The following PCCA variants were observed in gnomAD, a reference collection of about 807,000 sequenced individuals.
PCCA encodes the protein propionyl-CoA carboxylase subunit alpha, also known as propionyl-CoA carboxylase alpha chain, mitochondrial.
A neutral mutation model predicts 101.3 loss-of-function variants in PCCA; 74 were observed. That is an observed-to-expected ratio of 0.73 (90% CI 0.61 to 0.89). The LOEUF (loss-of-function observed/expected upper bound fraction) is 0.89. PCCA is among the 40% of genes least tolerant of loss of function. The probability of loss-of-function intolerance (pLI) is 0.00; values close to 1 mark genes in which losing one functional copy is unlikely to be tolerated. For synonymous variants in PCCA, 294 were observed against 313.6 expected, an observed-to-expected ratio of 0.94 and a Z score of 0.66; for missense variants, 891 against 907.0, an observed-to-expected ratio of 0.98 and a Z score of 0.23.
chr13:100,313,324 G>C (rs2067078528), intron 16 of PCCA, among the ~76,000 whole-genome samples: 3 of 152,192 alleles, frequency 2.0e-5, no homozygotes, highest in Admixed American at 2.0e-4. Context: ...CAGCGTTATT[G>C]CAATAGAGAA....
intron 21 of PCCA, among the ~76,000 whole-genome samples, chr13:100,489,090 G>A (rs888763231): frequency 6.6e-6 from 1 of 152,282 alleles, no homozygotes; most frequent in African/African-American, 2.4e-5. Context: ...CGGATCACCA[G>A]GTCAGGAGAT....
At position 100,527,700 on chromosome 13, in the gene PCCA, T is replaced by C. The variant is rs905903741; in HGVS notation, c.2066T>C (p.Val689Ala). The C allele has an allele frequency of 6.2e-7, 1 of 1,613,890 alleles. No individual in the cohort carries two copies. Among genetic ancestry groups the C allele is most frequent in the African/African-American group, 1.3e-5 (1 of 74,908 alleles). Residue 689 changes from valine (V) to alanine (A), a missense_variant, in exon 23 of 24, where the codon GTG becomes GCG. Val to Ala is a moderately conservative substitution (Grantham distance 64). Transcript: ENST00000376285. ...DAVAEGQEIC[V>A]IEAMKMQNSM... ...GTAGCAGAAGGTCAAGAAATTTGTG[T>C]GATTGAAGCCATGAAAATGCAGAAT...
At chr13:100,243,684 C>T (rs895927361) in intron 8 of PCCA, among the ~76,000 whole-genome samples, 5 of 152,162 alleles carry the variant, frequency 3.3e-5, no homozygotes, top group Non-Finnish European at 5.9e-5. Context: ...TTTACACCAG[C>T]CTGTTCCCAT....
At position 100,151,190 on chromosome 13, in the gene PCCA, A is replaced by G. The variant is rs73570952; in HGVS notation, c.301-3789A>G. On this transcript the variant is annotated intron_variant, in intron 4 of 23. Transcript: ENST00000376285. Reference sequence around the variant, plus strand: ...AGAAGATGATTTTTCTCAGTCCTGTAAGATGAAAAACACATCTGTTGTTCT... The same window carrying G: ...AGAAGATGATTTTTCTCAGTCCTGTGAGATGAAAAACACATCTGTTGTTCT... 0.016 allele frequency: 10,908 copies of G among 694,210 alleles called. 854 individuals are homozygous for G. In the African/African-American group the frequency reaches 0.17, roughly 11 times the overall value. The allele number at this position is 694,210 out of a possible 1,614,324, so 43.0% of individuals were successfully genotyped here. A position where few individuals can be genotyped will look rare whatever the true frequency, so the allele number is the denominator to read the frequency against.
chr13:100,378,154 C>G (rs912605261), intron 19 of PCCA, among the ~76,000 whole-genome samples: 3 of 152,138 alleles, frequency 2.0e-5, no homozygotes, highest in African/African-American at 7.2e-5. Flanking sequence ...GTTTGCTTGT[C>G]TGGGAAAGAC....
At chr13:100,414,940 T>A in intron 19 of PCCA, among the ~76,000 whole-genome samples, 1 of 152,310 alleles carries the variant, frequency 6.6e-6, no homozygotes, top group Non-Finnish European at 1.5e-5. Context: ...TAGATTACAT[T>A]TGCTATTTTG....
chr13:100,147,123 G>T (rs1484216332), intron 4 of PCCA, among the ~76,000 whole-genome samples: 1 of 152,070 alleles, frequency 6.6e-6, no homozygotes, highest in African/African-American at 2.4e-5. Context: ...CTTTATTTCT[G>T]CATATCCATA....
At chr13:100,389,475 C>T (rs1026060018) in intron 19 of PCCA, among the ~76,000 whole-genome samples, 4 of 151,994 alleles carry the variant, frequency 2.6e-5, no homozygotes, top group Admixed American at 6.6e-5. Flanking sequence ...AACACACTGG[C>T]GCCTACCAAA....
intron 6 of PCCA, among the ~76,000 whole-genome samples, chr13:100,207,061 A>G (rs1255193251): frequency 6.6e-6 from 1 of 152,212 alleles, no homozygotes; most frequent in Non-Finnish European, 1.5e-5. Flanking sequence ...GTCACGTACA[A>G]CTTACAATTA....
chr13:100,388,702 G>A (rs966431595), intron 19 of PCCA, among the ~76,000 whole-genome samples: 17 of 152,104 alleles, frequency 1.1e-4, no homozygotes, highest in Non-Finnish European at 2.4e-4. Flanking sequence ...AGGCTGAGGC[G>A]GAGAATCGTT....
chr13:100,475,828 T>G (rs1387830204), intron 21 of PCCA, among the ~76,000 whole-genome samples: 1 of 152,188 alleles, frequency 6.6e-6, no homozygotes, highest in African/African-American at 2.4e-5. Context: ...TTTATTATGG[T>G]CATCATAGTG....
intron 7 of PCCA, among the ~76,000 whole-genome samples, chr13:100,218,839 A>AT (rs2079281705): frequency 6.6e-6 from 1 of 152,222 alleles, no homozygotes; most frequent in Non-Finnish European, 1.5e-5. Context: ...AGAGAACAAG[A>AT]TTCTTTTTGC....
intron 16 of PCCA, among the ~76,000 whole-genome samples, chr13:100,327,084 A>G (rs2068776946): frequency 6.6e-6 from 1 of 152,206 alleles, no homozygotes; most frequent in South Asian, 2.1e-4. Context: ...TATACTTGAC[A>G]TAATAAATTT....
intron 12 of PCCA, among the ~76,000 whole-genome samples, chr13:100,279,111 G>A (rs551718415): frequency 6.6e-6 from 1 of 152,234 alleles, no homozygotes; most frequent in East Asian, 1.9e-4. Context: ...CTTAGCAAAC[G>A]TCCCAAGGTC....
At chr13:100,264,254 A>C (rs1170533041) in intron 10 of PCCA, among the ~76,000 whole-genome samples, 1 of 141,280 alleles carries the variant, frequency 7.1e-6, no homozygotes, top group Non-Finnish European at 1.6e-5. Context: ...TATATATGTG[A>C]TATCTGTATC....
intron 16 of PCCA, among the ~76,000 whole-genome samples, chr13:100,324,357 C>T (rs2152722599): frequency 6.6e-6 from 1 of 152,136 alleles, no homozygotes; most frequent in East Asian, 1.9e-4. Flanking sequence ...GACCTTTGAA[C>T]AACACTGGTT....
chr13:100,495,144 C>T (rs564099959), intron 21 of PCCA, among the ~76,000 whole-genome samples: 7 of 152,048 alleles, frequency 4.6e-5, no homozygotes, highest in African/African-American at 1.7e-4. Context: ...CCCGAGACCC[C>T]GCTAACCGTC....
At chr13:100,278,004 G>A (rs535707281) in intron 12 of PCCA, among the ~76,000 whole-genome samples, 1 of 152,226 alleles carries the variant, frequency 6.6e-6, no homozygotes, top group South Asian at 2.1e-4. Context: ...GCATTTTATA[G>A]GTAGTAGCTC....
chr13:100,194,511 G>C (rs769286846), intron 6 of PCCA, among the ~76,000 whole-genome samples: 28 of 152,054 alleles, frequency 1.8e-4, no homozygotes, highest in Non-Finnish European at 3.8e-4. Flanking sequence ...TCCGCCTCCC[G>C]GGTTCAAGCA....
Sources: gnomAD v4.1 joint callset for allele counts (sites outside exome capture counted in the v4.1 genomes callset) on GRCh38, gnomAD v4.1.1 for gene constraint, MANE v1.5 for transcripts, NCBI Gene and HGNC (gene_info 2026-07-23, HGNC 2026-07-21) for gene names.